Variants in CDK14 observed in about 807,000 individuals in gnomAD.
CDK14 encodes the protein cyclin-dependent kinase 14.
In CDK14, 34 loss-of-function variants were observed where a neutral mutation model predicts 60.7. The observed-to-expected ratio is 0.56, with a 90% CI of 0.43 to 0.75. CDK14 has a LOEUF of 0.75. CDK14 is among the 30% of genes least tolerant of loss of function. CDK14 has a pLI of 0.00. For synonymous variants in CDK14, 197 were observed against 203.7 expected, an observed-to-expected ratio of 0.97 and a Z score of 0.28; for missense variants, 482 against 564.1, an observed-to-expected ratio of 0.85 and a Z score of 1.47.
chr7:90,646,161 AT>A (rs1268905772), intron 2 of CDK14, among the ~76,000 whole-genome samples: 2 of 152,138 alleles, frequency 1.3e-5, no homozygotes, highest in African/African-American at 2.4e-5. Context: ...ATATTTCTTG[AT>A]TCACAAAGCT....
At chr7:91,117,962 C>T in intron 13 of CDK14, 103 bp from the exon 14 acceptor site, 1 of 621,726 alleles carries the variant, frequency 1.6e-6, no homozygotes, top group Non-Finnish European at 2.8e-6. Context: ...GTTCAGTGTG[C>T]TGGGCATCCA....
chr7:91,013,405 C>A (rs1263964572), intron 10 of CDK14, among the ~76,000 whole-genome samples: 1 of 152,186 alleles, frequency 6.6e-6, no homozygotes. Flanking sequence ...TATTTGACTT[C>A]ATTACCTATG....
intron 12 of CDK14, among the ~76,000 whole-genome samples, chr7:91,106,525 CAG>C (rs1408045942): frequency 1.3e-5 from 2 of 151,770 alleles, no homozygotes; most frequent in Non-Finnish European, 2.9e-5. Context: ...ATAACAGTAA[CAG>C]TAATAATAAT....
chr7:91,011,450 G>A (rs552841867), intron 10 of CDK14, among the ~76,000 whole-genome samples: 1 of 152,198 alleles, frequency 6.6e-6, no homozygotes, highest in South Asian at 2.1e-4. Context: ...TGTGCTTGGC[G>A]TTCAGTAAGT....
chr7:90,742,823 TA>T (rs1003514666), intron 3 of CDK14, among the ~76,000 whole-genome samples: 13 of 151,894 alleles, frequency 8.6e-5, no homozygotes, highest in East Asian at 1.9e-4. Context: ...ATTTTTTTAT[TA>T]AAAAAAACCA....
At chr7:91,137,136 T>G (rs1800304773) in intron 14 of CDK14, among the ~76,000 whole-genome samples, 1 of 152,204 alleles carries the variant, frequency 6.6e-6, no homozygotes, top group African/African-American at 2.4e-5. Context: ...TGCTTGCTGC[T>G]TTCCTAAATA....
intron 5 of CDK14, among the ~76,000 whole-genome samples, chr7:90,845,234 G>A (rs1229817969): frequency 6.6e-6 from 1 of 152,072 alleles, no homozygotes; most frequent in Non-Finnish European, 1.5e-5. Context: ...CATTACATAA[G>A]CGAGTATTGC....
chr7:90,831,693 T>C (rs1396162432), intron 5 of CDK14, among the ~76,000 whole-genome samples: 2 of 151,968 alleles, frequency 1.3e-5, no homozygotes, highest in Non-Finnish European at 2.9e-5. Context: ...CTTGACTGTT[T>C]TTTTTTTCCC....
At chr7:91,031,164 C>T (rs1338547607) in intron 10 of CDK14, among the ~76,000 whole-genome samples, 1 of 152,176 alleles carries the variant, frequency 6.6e-6, no homozygotes, top group African/African-American at 2.4e-5. Context: ...TCTGTTGGAA[C>T]ACAACTCCAT....
intron 3 of CDK14, among the ~76,000 whole-genome samples, chr7:90,744,757 G>A (rs1421112732): frequency 1.5e-5 from 2 of 136,108 alleles, no homozygotes; most frequent in Non-Finnish European, 3.2e-5. Context: ...GCGGCTGGCC[G>A]GGCAGGGGGC....
chr7:91,123,775 C>A (rs1282339562), intron 14 of CDK14, among the ~76,000 whole-genome samples: 1 of 152,122 alleles, frequency 6.6e-6, no homozygotes, highest in Non-Finnish European at 1.5e-5. Context: ...ACCACTACCA[C>A]CCTAACCGCA....
intron 8 of CDK14, among the ~76,000 whole-genome samples, chr7:90,938,223 T>A (rs1224753058): frequency 3.3e-5 from 5 of 152,260 alleles, no homozygotes; most frequent in Non-Finnish European, 4.4e-5. Flanking sequence ...TGGCAATCCT[T>A]TCTTAAATGA....
At position 90,857,879 on chromosome 7, in the gene CDK14, A is replaced by G. The variant is rs143952069; in HGVS notation, c.545-5296A>G. Among the ~76,000 whole-genome samples, 1,157 of 152,282 alleles carry G rather than the reference A, an allele frequency of 7.6e-3. 17 individuals carry two copies. Among genetic ancestry groups the G allele is most frequent in the Non-Finnish European group, 9.2e-3 (627 of 68,018 alleles). On this transcript the variant is annotated intron_variant, in intron 5 of 14. Coordinates refer to ENST00000380050, the MANE Select transcript of CDK14 (RefSeq NM_001287135.2). ...TCAAAGTTAGTCATGTCTGTCACCT[A>G]CCGTGATGTTGGTACATATCGTAGG...
At chr7:91,064,853 A>G (rs967909679) in intron 11 of CDK14, among the ~76,000 whole-genome samples, 2 of 152,152 alleles carry the variant, frequency 1.3e-5, no homozygotes, top group African/African-American at 4.8e-5. Context: ...GGAGCTGTAA[A>G]TTTGTTCTTG....
chr7:90,988,708 T>C (rs1795445047), intron 10 of CDK14, among the ~76,000 whole-genome samples: 1 of 152,178 alleles, frequency 6.6e-6, no homozygotes, highest in Admixed American at 6.6e-5. Context: ...CACAGCTGTC[T>C]GAAACCTTTG....
chr7:91,021,957 T>C (rs1030862326), intron 10 of CDK14, among the ~76,000 whole-genome samples: 9 of 152,172 alleles, frequency 5.9e-5, no homozygotes, highest in South Asian at 4.1e-4. Flanking sequence ...CATGAATAAC[T>C]AGGACAGTTC....
At chr7:91,179,206 G>A (rs1027070798) in intron 14 of CDK14, among the ~76,000 whole-genome samples, 74 of 151,964 alleles carry the variant, frequency 4.9e-4, no homozygotes, top group African/African-American at 1.3e-3. Flanking sequence ...CCTTTGTAGG[G>A]ACATGGATGA....
intron 10 of CDK14, among the ~76,000 whole-genome samples, chr7:91,020,078 A>G (rs540234870): frequency 3.9e-5 from 6 of 152,282 alleles, no homozygotes; most frequent in Admixed American, 3.3e-4. Context: ...TTCTCTGGTC[A>G]TGGTAGAAAG....
intron 8 of CDK14, among the ~76,000 whole-genome samples, chr7:90,954,032 G>A (rs953218439): frequency 6.6e-6 from 1 of 152,104 alleles, no homozygotes; most frequent in Non-Finnish European, 1.5e-5. Context: ...GAGAAAAATT[G>A]GGGACCAGGA....
Sources: allele counts gnomAD v4.1 joint callset (sites outside exome capture counted in the v4.1 genomes callset), GRCh38; gene constraint gnomAD v4.1.1; transcripts MANE v1.5; gene names NCBI Gene and HGNC (gene_info 2026-07-23, HGNC 2026-07-21).